DHRS3: variants seen among roughly 807,000 people sequenced by gnomAD.
DHRS3 encodes dehydrogenase/reductase 3.
In DHRS3, 14 loss-of-function variants were observed where a neutral mutation model predicts 27.2. That is an observed-to-expected ratio of 0.52 (90% CI 0.34 to 0.81). The LOEUF (loss-of-function observed/expected upper bound fraction) is 0.81, where lower values mean the gene tolerates loss of function less well. Ranked by LOEUF, DHRS3 falls within the 30% of genes least tolerant of loss-of-function variation. The pLI is 0.01. For synonymous variants in DHRS3, 165 were observed against 175.9 expected (o/e 0.94, Z 0.49); for missense variants, 322 against 406.2 (o/e 0.79, Z 1.78).
In DHRS3 at chr1:12,579,472, T is replaced by C. The variant is rs117287393; in HGVS notation, c.340-60A>G. On this transcript the variant is annotated intron_variant, in intron 2 of 5. Coordinates refer to ENST00000616661, the MANE Select transcript of DHRS3 (RefSeq NM_004753.7). ...CAGCCAGCCCAGGGCCAACGATATA[T>C]GTTTTTTGTTTGTTTGTTTTTGAGA... 2.9e-4 allele frequency: 459 copies of C among 1,579,758 alleles called. 3 individuals are homozygous for C. The East Asian group carries it at 4.9e-3, about 17-fold the overall frequency.
chr1:12,607,019 T>C (rs1646876671), intron 1 of DHRS3, among the ~76,000 whole-genome samples: 1 of 152,168 alleles, frequency 6.6e-6, no homozygotes, highest in Admixed American at 6.5e-5. Flanking sequence ...ATTTTGCTTG[T>C]TAAGTTTCTG....
rs1208846089 is a variant in DHRS3 at position 12,586,716 on chromosome 1, A to C, written c.196-6050T>G. Among the ~76,000 whole-genome samples the C allele has an allele frequency of 2.6e-5, 4 of 152,236 alleles. No homozygotes were observed. The highest frequency in any genetic ancestry group is 5.9e-5 in the Non-Finnish European group (4 of 68,044). ...AGGAAACTGCAGTTCAGAGAGGCTA[A>C]GCAACTCGTCTGAGGTCACACAGCA... is the stretch of plus-strand genomic sequence containing the variant. On this transcript the variant is annotated intron_variant, in intron 1 of 5. Coordinates refer to ENST00000616661, the MANE Select transcript of DHRS3 (RefSeq NM_004753.7). The surrounding 1 kb of genome is among the most constrained non-coding windows in gnomAD (Gnocchi z 5.0).
At chr1:12,579,938 G>C (rs911909724) in intron 2 of DHRS3, 7 of 184,212 alleles carry the variant, frequency 3.8e-5, no homozygotes, top group Admixed American at 1.6e-4. Flanking sequence ...CATACATAGA[G>C]GCCCAGCAGC....
rs70987256 is a variant in DHRS3 at position 12,583,493 on chromosome 1, T to TATCC, written c.196-2831_196-2828dup. 3.0e-3 allele frequency among the ~76,000 whole-genome samples: 262 copies of TATCC among 86,782 alleles called. 3 individuals are homozygous for TATCC. The highest frequency in any genetic ancestry group is 8.9e-3 in the African/African-American group (183 of 20,474). The allele number at this position is 86,782 out of a possible 152,430, so 56.9% of individuals were successfully genotyped here. ...CCATCCACCCATCCACTCACCTACT[T>TATCC]ATCCATCCATCCATCCATCCATCCA... On this transcript the variant is annotated intron_variant, in intron 1 of 5. Transcript: ENST00000616661.
At chr1:12,606,006 C>T (rs760322556) in intron 1 of DHRS3, among the ~76,000 whole-genome samples, 5 of 151,808 alleles carry the variant, frequency 3.3e-5, no homozygotes, top group Non-Finnish European at 1.5e-5. Flanking sequence ...AGCATGGTGA[C>T]GTGCGCCTGT....
chr1:12,617,083 C>T (rs1557536820), intron 1 of DHRS3, 71 bp downstream of exon 1: 1 of 1,492,926 alleles, frequency 6.7e-7, no homozygotes, highest in Non-Finnish European at 8.9e-7. Context: ...CGCGGGATCC[C>T]GCAGCGGCAG....
intron 1 of DHRS3, among the ~76,000 whole-genome samples, chr1:12,603,743 C>A (rs1056890227): frequency 1.3e-5 from 2 of 152,230 alleles, no homozygotes; most frequent in African/African-American, 4.8e-5. Flanking sequence ...CGAAAGGCTG[C>A]TGAAAAGAGG....
rs187468511 is a variant in DHRS3, at chr1:12,579,115, G to C, written c.460-159C>G. 3.0e-4 allele frequency: 386 copies of C among 1,281,658 alleles called. 4 individuals are homozygous for C. The African/African-American group carries it at 4.7e-3, about 16-fold the overall frequency. 79.4% of individuals were successfully genotyped at this position (1,281,658 alleles called of 1,614,324 possible). ...CGAGGGCTCCCTGCCCCAGGACACC[G>C]AGCATATTTCACAAAGTCTGATGTG... On this transcript the variant is annotated intron_variant, in intron 3 of 5. Transcript: ENST00000616661.
intron 1 of DHRS3, among the ~76,000 whole-genome samples, chr1:12,582,728 G>A (rs143110640): frequency 2.0e-4 from 31 of 151,980 alleles, no homozygotes; most frequent in Non-Finnish European, 3.4e-4. Flanking sequence ...TTATCATCCT[G>A]TGTATACAGC....
At chr1:12,595,476 A>G (rs1199279364) in intron 1 of DHRS3, among the ~76,000 whole-genome samples, 3 of 133,218 alleles carry the variant, frequency 2.3e-5, no homozygotes, top group Non-Finnish European at 4.8e-5. Flanking sequence ...CTGGGATCCC[A>G]AGCGGCGGAT....
chr1:12,583,502 A>G (rs1402001446), intron 1 of DHRS3, among the ~76,000 whole-genome samples: 3 of 118,708 alleles, frequency 2.5e-5, no homozygotes, highest in Non-Finnish European at 5.2e-5. Flanking sequence ...TTATCCATCC[A>G]TCCATCCATC....
At chr1:12,616,597 C>T in intron 1 of DHRS3, 1 of 986,462 alleles carries the variant, frequency 1.0e-6, no homozygotes, top group Non-Finnish European at 1.2e-6. Flanking sequence ...ACACCTGGGC[C>T]TCTCAGTGTC....
At chr1:12,588,131 TTC>T in intron 1 of DHRS3, among the ~76,000 whole-genome samples, 1 of 152,338 alleles carries the variant, frequency 6.6e-6, no homozygotes. Context: ...CGGGCTGTTT[TTC>T]TCTGTTTCAA....
At chr1:12,600,804 A>C (rs1243929553) in intron 1 of DHRS3, among the ~76,000 whole-genome samples, 1 of 152,192 alleles carries the variant, frequency 6.6e-6, no homozygotes, top group Admixed American at 6.5e-5. Context: ...TTCCTCTCAT[A>C]TCACAGTCTA....
At chr1:12,602,354 CG>C (rs58966475) in intron 1 of DHRS3, among the ~76,000 whole-genome samples, 14,729 of 152,086 alleles carry the variant, frequency 0.097, 896 homozygotes, top group East Asian at 0.24. Flanking sequence ...GGTGAGGCCT[CG>C]GGTGGAAGGG....
intron 1 of DHRS3, among the ~76,000 whole-genome samples, chr1:12,606,355 G>A (rs1646871642): frequency 6.7e-6 from 1 of 149,278 alleles, no homozygotes; most frequent in African/African-American, 2.5e-5. Context: ...ATCTCCATTG[G>A]TTCAGCATAC....
At chr1:12,577,098 C>G (rs1323417690) in intron 4 of DHRS3, among the ~76,000 whole-genome samples, 3 of 151,976 alleles carry the variant, frequency 2.0e-5, no homozygotes, top group Non-Finnish European at 4.4e-5. Flanking sequence ...CATGACCCTT[C>G]CGTGTCATCC....
chr1:12,575,513 T>C (rs1030273338), intron 4 of DHRS3, among the ~76,000 whole-genome samples: 4 of 152,214 alleles, frequency 2.6e-5, no homozygotes, highest in Admixed American at 2.0e-4. Context: ...ATCCATTTTT[T>C]ATTCTTTTAG....
intron 1 of DHRS3, among the ~76,000 whole-genome samples, chr1:12,584,214 A>G (rs1646672342): frequency 6.6e-6 from 1 of 152,018 alleles, no homozygotes; most frequent in Non-Finnish European, 1.5e-5. Context: ...GCAGGAAGGT[A>G]TAGGGTTCAG....
Sources: allele counts gnomAD v4.1 joint callset (sites outside exome capture counted in the v4.1 genomes callset), GRCh38; gene constraint gnomAD v4.1.1; non-coding constraint Gnocchi (gnomAD v3.1); transcripts MANE v1.5; gene names NCBI Gene and HGNC (gene_info 2026-07-23, HGNC 2026-07-21).